FOXP1: variants seen among roughly 807,000 people sequenced by gnomAD.
FOXP1 encodes forkhead box P1.
In FOXP1, 15 loss-of-function variants were observed where a neutral mutation model predicts 98.2. The ratio of observed to expected loss-of-function variants is 0.15; its 90% confidence interval spans 0.10 to 0.24. FOXP1 has a LOEUF of 0.24. FOXP1 is among the 10% of genes least tolerant of loss of function. FOXP1 has a pLI of 1.00. For synonymous variants in FOXP1, 371 were observed against 314.5 expected (o/e 1.18, Z -1.90); for missense variants, 633 against 848.5 (o/e 0.75, Z 3.15).
chr3:71,546,280 G>T (rs775229193), intron 2 of FOXP1, among the ~76,000 whole-genome samples: 2 of 152,172 alleles, frequency 1.3e-5, no homozygotes, highest in African/African-American at 2.4e-5. Context: ...GCAGGGCCAA[G>T]CAGCCAAGGC....
chr3:71,174,827 C>CACACACACACACACACACACACA (rs1553767955), intron 6 of FOXP1, among the ~76,000 whole-genome samples: 2 of 142,314 alleles, frequency 1.4e-5, no homozygotes, highest in Non-Finnish European at 3.0e-5. Flanking sequence ...CACACACACA[C>CACACACACACACACACACACACA]CCCAATATAC....
intron 7 of FOXP1, among the ~76,000 whole-genome samples, chr3:71,102,518 C>T (rs1457399786): frequency 6.6e-6 from 1 of 152,206 alleles, no homozygotes; most frequent in African/African-American, 2.4e-5. Context: ...GTACATTTTC[C>T]AAACTGCTTC....
chr3:71,407,169 A>C (rs2082408592), intron 3 of FOXP1, among the ~76,000 whole-genome samples: 1 of 152,126 alleles, frequency 6.6e-6, no homozygotes, highest in East Asian at 1.9e-4. Flanking sequence ...AGAAGCCTGC[A>C]TCTAATTTTA....
rs568988544 is a variant in FOXP1 at position 70,955,096 on chromosome 3, T to A, written c.*4151A>T. Reference sequence around the variant, plus strand: ...GAAGACATCCAGAATTTCAGGAGGCTATGTCATTAACCAAAAGGTACCAAA... The same window carrying A: ...GAAGACATCCAGAATTTCAGGAGGCAATGTCATTAACCAAAAGGTACCAAA... On this transcript the variant is annotated 3_prime_UTR_variant, in exon 21 of 21. Transcript: ENST00000649528. The A allele has an allele frequency of 4.3e-6, 1 of 232,274 alleles. No homozygotes were observed. The highest frequency in any genetic ancestry group is 6.1e-5 in the East Asian group (1 of 16,422). 14.4% of individuals were successfully genotyped at this position (232,274 alleles called of 1,614,324 possible).
intron 5 of FOXP1, among the ~76,000 whole-genome samples, chr3:71,212,118 T>C (rs1407491330): frequency 6.6e-6 from 1 of 152,176 alleles, no homozygotes; most frequent in East Asian, 1.9e-4. Flanking sequence ...AAGATACTAG[T>C]ACCAAATTGA....
At chr3:71,379,290 G>C (rs181879526) in intron 3 of FOXP1, among the ~76,000 whole-genome samples, 1 of 152,162 alleles carries the variant, frequency 6.6e-6, no homozygotes, top group East Asian at 1.9e-4. Flanking sequence ...GGTGGTACAG[G>C]CATAGCAACA....
At chr3:71,448,356 C>T (rs1019929272) in intron 3 of FOXP1, among the ~76,000 whole-genome samples, 14 of 152,178 alleles carry the variant, frequency 9.2e-5, no homozygotes, top group Non-Finnish European at 1.5e-4. Context: ...CAAAGAAAGG[C>T]TGTTGACTGG....
Position 71,463,294 on chromosome 3 carries a change from G to A in FOXP1, c.-168+30132C>T, listed in dbSNP as rs555615456. 2.0e-5 allele frequency among the ~76,000 whole-genome samples: 3 copies of A among 150,356 alleles called. No individual in the cohort carries two copies. The South Asian group carries it at 6.3e-4, about 32-fold the overall frequency. On this transcript the variant is annotated intron_variant, in intron 3 of 20. Coordinates refer to ENST00000649528, the MANE Select transcript of FOXP1 (RefSeq NM_001349338.3). Reference sequence around the variant, plus strand: ...CACGAGAATTGCTTGAACCCGGGAGGCGGAGGTTGCAGTGAGCTGAGATCA... The same window carrying A: ...CACGAGAATTGCTTGAACCCGGGAGACGGAGGTTGCAGTGAGCTGAGATCA...
At chr3:71,326,995 C>G (rs975757640) in intron 4 of FOXP1, among the ~76,000 whole-genome samples, 3 of 152,108 alleles carry the variant, frequency 2.0e-5, no homozygotes, top group Non-Finnish European at 4.4e-5. Context: ...TAAGGCCCAG[C>G]AAGGTAACTA....
At chr3:71,423,988 C>A (rs2083882183) in intron 3 of FOXP1, among the ~76,000 whole-genome samples, 1 of 152,140 alleles carries the variant, frequency 6.6e-6, no homozygotes, top group Non-Finnish European at 1.5e-5. Context: ...GAGACAAGGT[C>A]TCCTTATGCT....
At chr3:71,072,445 A>C (rs562393004) in intron 7 of FOXP1, among the ~76,000 whole-genome samples, 2 of 152,202 alleles carry the variant, frequency 1.3e-5, no homozygotes, top group African/African-American at 4.8e-5. Context: ...AGGGAACAAC[A>C]ACCAAAAAAA....
At chr3:71,202,607 G>A (rs923490921) in intron 5 of FOXP1, among the ~76,000 whole-genome samples, 3 of 152,108 alleles carry the variant, frequency 2.0e-5, no homozygotes, top group African/African-American at 4.8e-5. Context: ...AAGCTCAATC[G>A]GTTAAGGGAT....
At chr3:71,356,534 C>T (rs1198822101) in intron 4 of FOXP1, among the ~76,000 whole-genome samples, 2 of 152,188 alleles carry the variant, frequency 1.3e-5, no homozygotes, top group African/African-American at 4.8e-5. Context: ...GTGCCTAGTA[C>T]AATGCTGGCA....
At chr3:71,401,642 G>C (rs558488655) in intron 3 of FOXP1, among the ~76,000 whole-genome samples, 1 of 152,216 alleles carries the variant, frequency 6.6e-6, no homozygotes, top group Non-Finnish European at 1.5e-5. Flanking sequence ...GAGAGCACAT[G>C]AACAGGTCTG....
At chr3:71,240,364 T>C (rs1438191761) in intron 5 of FOXP1, among the ~76,000 whole-genome samples, 3 of 152,218 alleles carry the variant, frequency 2.0e-5, no homozygotes, top group Non-Finnish European at 4.4e-5. Flanking sequence ...ACATGGCTGG[T>C]CTCCTGGCTC....
chr3:71,580,705 T>C, intron 2 of FOXP1: 1 of 861,842 alleles, frequency 1.2e-6, no homozygotes, highest in Non-Finnish European at 1.4e-6. Flanking sequence ...ATGGAAAAAT[T>C]TTGCAGCGAT....
Position 71,056,559 on chromosome 3 carries a change from C to T in FOXP1, c.283-2786G>A, listed in dbSNP as rs142301863. ...GAAGCAAGAGGCCTGAGTAATCCTC[C>T]AAACGGGCTGATCACTTCTGAATAA... On this transcript the variant is annotated intron_variant, in intron 7 of 20. Transcript: ENST00000649528. Among the ~76,000 whole-genome samples the T allele has an allele frequency of 2.6e-3, 389 of 152,288 alleles. 8 individuals carry two copies. The East Asian group carries it at 0.064, about 25-fold the overall frequency.
intron 7 of FOXP1, among the ~76,000 whole-genome samples, chr3:71,102,924 T>A (rs181105041): frequency 1.6e-4 from 25 of 152,288 alleles, no homozygotes; most frequent in African/African-American, 5.5e-4. Context: ...ATGCTCCACT[T>A]TCCTCCCCTG....
At chr3:71,255,359 T>A (rs116212211) in intron 5 of FOXP1, among the ~76,000 whole-genome samples, 2,033 of 152,218 alleles carry the variant, frequency 0.013, 21 homozygotes, top group Middle Eastern at 0.068. Flanking sequence ...CCCCGAAATG[T>A]TTTGCTTGGG....
Sources: gnomAD v4.1 joint callset for allele counts (sites outside exome capture counted in the v4.1 genomes callset) on GRCh38, gnomAD v4.1.1 for gene constraint, MANE v1.5 for transcripts, NCBI Gene and HGNC (gene_info 2026-07-23, HGNC 2026-07-21) for gene names.